Variants in NUP85 observed in about 807,000 individuals in gnomAD.
NUP85 encodes the protein nucleoporin 85.
In NUP85, 23 loss-of-function variants were observed where a neutral mutation model predicts 92.8. The observed-to-expected ratio is 0.25, with a 90% confidence interval of 0.18 to 0.35. The LOEUF (loss-of-function observed/expected upper bound fraction) is 0.35, where lower values mean the gene tolerates loss of function less well. Among genes scored for constraint, NUP85 ranks in the 10% least tolerant of loss-of-function variants. The pLI is 1.00. For missense variants in NUP85, 759 were observed against 822.8 expected (o/e 0.92, Z 0.95); for synonymous variants, 314 against 306.9 (o/e 1.02, Z -0.24).
At chr17:75,210,734 C>G (rs913882864) in intron 3 of NUP85, among the ~76,000 whole-genome samples, 2 of 152,174 alleles carry the variant, frequency 1.3e-5, no homozygotes, top group Non-Finnish European at 2.9e-5. Flanking sequence ...CAGAGTTTCG[C>G]TCTGTCACCC....
In NUP85 at chr17:75,234,328, A is replaced by G. The variant is rs555949785; in HGVS notation, c.1616-309A>G. 2.6e-5 allele frequency among the ~76,000 whole-genome samples: 4 copies of G among 152,318 alleles called. 1 individual carries two copies. Among genetic ancestry groups the G allele is most frequent in the African/African-American group, 9.6e-5 (4 of 41,566 alleles). ...CGGCCTCCCAAAGTGCTGGGGTTACAGGCATAGGCATGAGCCACCACGCCT... is the reference window on the plus strand; with the variant it reads ...CGGCCTCCCAAAGTGCTGGGGTTACGGGCATAGGCATGAGCCACCACGCCT... On this transcript the variant is annotated intron_variant, in intron 16 of 18. Transcript: ENST00000245544.
At chr17:75,214,052 G>A (rs758806020) in intron 5 of NUP85, among the ~76,000 whole-genome samples, 1 of 149,432 alleles carries the variant, frequency 6.7e-6, no homozygotes, top group South Asian at 2.1e-4. Context: ...CACCGTGTTA[G>A]CCAGGATGCT....
Position 75,235,162 on chromosome 17 carries a change from A to G in NUP85, c.1830A>G (p.Arg610=), listed in dbSNP as rs374261268. Residue 610 remains arginine (R), a synonymous_variant, in exon 18 of 19, where the codon AGA becomes AGG. Transcript: ENST00000245544. ...LMRCLEDLTS[R]RPVHGESDTE... is the part of the protein sequence containing the mutation. Reference sequence around the variant, plus strand: ...GGTGTCTGGAGGACTTGACGTCAAGAAGACCTGTGCATGGAGAATCTGATA... The same window carrying G: ...GGTGTCTGGAGGACTTGACGTCAAGGAGACCTGTGCATGGAGAATCTGATA... The G allele has an allele frequency of 3.7e-6, 6 of 1,614,028 alleles. No homozygotes were observed. The African/African-American group carries it at 6.7e-5, about 18-fold the overall frequency.
intron 11 of NUP85, chr17:75,228,073 C>T (rs2075892719): frequency 2.4e-6 from 1 of 419,592 alleles, no homozygotes; most frequent in African/African-American, 2.2e-5. Context: ...GTGTCTCTGC[C>T]CATAGTTGAG....
At position 75,212,087 on chromosome 17, in the gene NUP85, C is replaced by CGT. The variant is rs555503834; in HGVS notation, c.361+47_361+48dup. 1,505 of 1,203,364 alleles carry CGT rather than the reference C, an allele frequency of 1.3e-3. 16 individuals are homozygous for CGT. The African/African-American group carries it at 0.024, about 19-fold the overall frequency. 74.5% of individuals were successfully genotyped at this position (1,203,364 alleles called of 1,614,324 possible). ...AGTAAGGACTGTGTGCGCGTGCGCG[C>CGT]GTGTGTGTGTGTGTGTGTGTGTGGG... is the stretch of plus-strand genomic sequence containing the variant. On this transcript the variant is annotated intron_variant, in intron 4 of 18. Transcript: ENST00000245544.
chr17:75,208,685 T>G, intron 2 of NUP85, 65 bp downstream of exon 2: 1 of 877,850 alleles, frequency 1.1e-6, no homozygotes, highest in Non-Finnish European at 1.9e-6. Flanking sequence ...GTTTATTACC[T>G]CAGATTTTAC....
intron 14 of NUP85, 111 bp from the exon 15 acceptor site, chr17:75,232,740 A>G (rs1417641939): frequency 1.1e-6 from 1 of 883,810 alleles, no homozygotes; most frequent in Admixed American, 1.7e-5. Flanking sequence ...GAGCCCAAAG[A>G]GTGGCTCTGC....
chr17:75,215,020 A>C (rs2075387311), intron 5 of NUP85, among the ~76,000 whole-genome samples: 1 of 150,306 alleles, frequency 6.7e-6, no homozygotes, highest in Admixed American at 6.7e-5. Context: ...AAATACAAAA[A>C]ATTAGCTGGG....
At chr17:75,217,497 C>T (rs891186094) in intron 6 of NUP85, among the ~76,000 whole-genome samples, 3 of 151,840 alleles carry the variant, frequency 2.0e-5, no homozygotes, top group Admixed American at 1.3e-4. Flanking sequence ...CTACCATGCC[C>T]GGCCATATGT....
In NUP85 at chr17:75,235,583, T is replaced by C. The variant is rs371798400; in HGVS notation, c.1875T>C (p.Asp625=). The stretch of plus-strand genomic sequence containing the variant: ...TGGCGCTCTCTGCTTTGCAGGATGA[T>C]GACATAGAGACCACCAAGGTGGAAA... ...GESDTEQLQD[D]DIETTKVEML... Residue 625 remains aspartate (D), a synonymous_variant, in exon 19 of 19, where the codon GAT becomes GAC. Transcript: ENST00000245544. The C allele has an allele frequency of 3.1e-4, 497 of 1,613,080 alleles. No individual in the cohort carries two copies. The highest frequency in any genetic ancestry group is 3.9e-4 in the Non-Finnish European group (461 of 1,179,164).
intron 7 of NUP85, among the ~76,000 whole-genome samples, chr17:75,221,813 C>T (rs1350854572): frequency 6.6e-6 from 1 of 152,114 alleles, no homozygotes; most frequent in Non-Finnish European, 1.5e-5. Context: ...GTTGAGACTA[C>T]AGCAAGGATG....
chr17:75,221,567 A>G (rs1426355315), intron 7 of NUP85, among the ~76,000 whole-genome samples: 2 of 152,154 alleles, frequency 1.3e-5, no homozygotes, highest in Non-Finnish European at 2.9e-5. Flanking sequence ...GAGCTACTTA[A>G]CGGCCTTAAG....
intron 9 of NUP85, 78 bp downstream of exon 9, chr17:75,225,542 C>T: frequency 6.3e-7 from 1 of 1,578,598 alleles, no homozygotes; most frequent in Non-Finnish European, 8.6e-7. Context: ...GTGGCAGGAG[C>T]TTGGTCCTCC....
rs1053213022 is a variant in NUP85 at position 75,228,128 on chromosome 17, G to A, written c.1094+1971G>A. ...TATAACAGTGAGTGAGTTTCACCAG[G>A]GCTTCCTAATTTATAAGCCCTGTAT... On this transcript the variant is annotated intron_variant, in intron 11 of 18. Transcript: ENST00000245544. The A allele has an allele frequency of 4.9e-5, 45 of 924,776 alleles. No homozygotes were observed. In the South Asian group the frequency reaches 8.0e-4, roughly 16 times the overall value. The allele number at this position is 924,776 out of a possible 1,614,324, so 57.3% of individuals were successfully genotyped here. A position where few individuals can be genotyped will look rare whatever the true frequency, so the allele number is the denominator to read the frequency against.
At chr17:75,210,454 T>C (rs1285281680) in intron 3 of NUP85, among the ~76,000 whole-genome samples, 2 of 152,232 alleles carry the variant, frequency 1.3e-5, no homozygotes, top group Non-Finnish European at 1.5e-5. Flanking sequence ...TACTTGTTAA[T>C]TGTAGACTTT....
At chr17:75,218,533 A>G (rs2075498375) in intron 7 of NUP85, among the ~76,000 whole-genome samples, 1 of 150,176 alleles carries the variant, frequency 6.7e-6, no homozygotes, top group Non-Finnish European at 1.5e-5. Context: ...GTAAAAGGAA[A>G]TTTGATTTCT....
chr17:75,234,795 G>T lies in NUP85; in HGVS notation c.1767+7G>T. The T allele has an allele frequency of 6.2e-7, 1 of 1,614,096 alleles. No individual in the cohort carries two copies. Among genetic ancestry groups the T allele is most frequent in the Non-Finnish European group, 8.5e-7 (1 of 1,180,036 alleles). On this transcript the variant is annotated splice_region_variant and intron_variant, in intron 17 of 18. Coordinates refer to ENST00000245544, the MANE Select transcript of NUP85 (RefSeq NM_024844.5). ...CCTTTTGGAACAGAAACAGGTGAAG[G>T]TTGCAGCAGCAGTGGTTTTCTTTGC...
At chr17:75,213,448 A>C (rs1467844334) in intron 5 of NUP85, among the ~76,000 whole-genome samples, 1 of 151,196 alleles carries the variant, frequency 6.6e-6, no homozygotes, top group Non-Finnish European at 1.5e-5. Flanking sequence ...ATGCCACACC[A>C]AGCCCAGCTA....
chr17:75,210,345 T>A (rs2075218760), intron 3 of NUP85, among the ~76,000 whole-genome samples: 1 of 152,204 alleles, frequency 6.6e-6, no homozygotes, highest in South Asian at 2.1e-4. Context: ...AAAATTATGG[T>A]TCAGACGTTA....
Sources: allele counts gnomAD v4.1 joint callset (sites outside exome capture counted in the v4.1 genomes callset), GRCh38; gene constraint gnomAD v4.1.1; transcripts MANE v1.5; gene names NCBI Gene and HGNC (gene_info 2026-07-23, HGNC 2026-07-21).